Variants in GRM5 observed in about 807,000 individuals in gnomAD.
GRM5 encodes the protein glutamate metabotropic receptor 5.
GRM5 carries 19 observed loss-of-function variants against 83.1 expected under a neutral mutation model. The observed-to-expected ratio is 0.23, with a 90% CI of 0.16 to 0.34. GRM5 has a LOEUF of 0.34. Among genes scored for constraint, GRM5 ranks in the 10% least tolerant of loss-of-function variants. The pLI is 1.00. For missense variants in GRM5, 1,160 were observed against 1,588.3 expected, an observed-to-expected ratio of 0.73 and a Z score of 4.58; for synonymous variants, 675 against 633.6, an observed-to-expected ratio of 1.07 and a Z score of -0.98.
At chr11:88,896,658 C>G (rs1945233079) in intron 2 of GRM5, among the ~76,000 whole-genome samples, 1 of 151,966 alleles carries the variant, frequency 6.6e-6, no homozygotes, top group Middle Eastern at 3.4e-3. Flanking sequence ...GAGTCCTAGT[C>G]TGAGAAAATA....
intron 2 of GRM5, among the ~76,000 whole-genome samples, chr11:89,002,986 C>T (rs189258455): frequency 7.9e-3 from 969 of 122,698 alleles, no homozygotes; most frequent in Non-Finnish European, 0.014. Flanking sequence ...CTTTACATTT[C>T]CTTTATAGGA....
At chr11:88,910,273 G>A (rs948036928) in intron 2 of GRM5, among the ~76,000 whole-genome samples, 1 of 151,960 alleles carries the variant, frequency 6.6e-6, no homozygotes, top group Non-Finnish European at 1.5e-5. Flanking sequence ...GGCTAAATAT[G>A]CCATTGTATG....
chr11:88,885,678 A>T (rs1403384391), intron 2 of GRM5, among the ~76,000 whole-genome samples: 2 of 152,064 alleles, frequency 1.3e-5, no homozygotes, highest in African/African-American at 4.8e-5. Flanking sequence ...CTCATAAAAA[A>T]AAATCTCCAG....
intron 2 of GRM5, among the ~76,000 whole-genome samples, chr11:88,930,189 G>T (rs1412477988): frequency 6.6e-6 from 1 of 151,994 alleles, no homozygotes; most frequent in Non-Finnish European, 1.5e-5. Context: ...AGAAAGGATT[G>T]CTTGAGGACA....
intron 4 of GRM5, among the ~76,000 whole-genome samples, chr11:88,650,443 G>T (rs1046049245): frequency 1.2e-4 from 18 of 151,796 alleles, no homozygotes; most frequent in Non-Finnish European, 2.2e-4. Flanking sequence ...ACATGAAAAG[G>T]AGCTTAACTT....
intron 8 of GRM5, among the ~76,000 whole-genome samples, chr11:88,548,532 CAT>C (rs1942432154): frequency 6.6e-6 from 1 of 152,176 alleles, no homozygotes; most frequent in Admixed American, 6.5e-5. Context: ...ATCATCCAGA[CAT>C]AGTCTTTAAT....
chr11:88,659,671 C>T (rs748467067), intron 3 of GRM5, among the ~76,000 whole-genome samples: 1 of 152,050 alleles, frequency 6.6e-6, no homozygotes, highest in Non-Finnish European at 1.5e-5. Flanking sequence ...TATGATAGGA[C>T]TTAACAACCA....
chr11:88,608,694 G>C (rs1170311053), intron 4 of GRM5, among the ~76,000 whole-genome samples: 6 of 151,502 alleles, frequency 4.0e-5, no homozygotes, highest in African/African-American at 1.5e-4. Flanking sequence ...ACATTTTTTT[G>C]TATTTTTAGT....
intron 3 of GRM5, among the ~76,000 whole-genome samples, chr11:88,740,124 A>G (rs1941997726): frequency 6.6e-6 from 1 of 152,088 alleles, no homozygotes; most frequent in South Asian, 2.1e-4. Context: ...GTAATGGCTA[A>G]GTACATTGTA....
intron 8 of GRM5, among the ~76,000 whole-genome samples, chr11:88,544,693 C>T (rs1387843613): frequency 6.6e-6 from 1 of 152,184 alleles, no homozygotes; most frequent in Non-Finnish European, 1.5e-5. Flanking sequence ...CTCCTACAGT[C>T]CCCAGTATAA....
intron 3 of GRM5, among the ~76,000 whole-genome samples, chr11:88,795,181 G>A (rs1943254127): frequency 1.3e-5 from 2 of 152,216 alleles, no homozygotes; most frequent in African/African-American, 2.4e-5. Flanking sequence ...AAATATTAGG[G>A]CATATGGAAC....
At chr11:88,731,046 T>G (rs1421381511) in intron 3 of GRM5, among the ~76,000 whole-genome samples, 1 of 152,066 alleles carries the variant, frequency 6.6e-6, no homozygotes, top group Non-Finnish European at 1.5e-5. Flanking sequence ...CCATTCTGGA[T>G]AGTAGTTACT....
intron 3 of GRM5, among the ~76,000 whole-genome samples, chr11:88,674,130 A>T (rs1242897135): frequency 1.3e-5 from 2 of 151,754 alleles, no homozygotes; most frequent in African/African-American, 4.8e-5. Context: ...TGTGAGAGGG[A>T]GTGTTGGGAG....
At chr11:88,790,301 GCA>G (rs964176758) in intron 3 of GRM5, among the ~76,000 whole-genome samples, 10 of 152,168 alleles carry the variant, frequency 6.6e-5, no homozygotes, top group African/African-American at 2.2e-4. Context: ...ATCACACACT[GCA>G]CAGTGTTTAT....
intron 8 of GRM5, among the ~76,000 whole-genome samples, chr11:88,534,028 C>T (rs1391495686): frequency 6.6e-6 from 1 of 152,094 alleles, no homozygotes; most frequent in Non-Finnish European, 1.5e-5. Flanking sequence ...ACTCAGAAGT[C>T]AGGAATTGAG....
chr11:89,063,060 G>C (rs1942027124), intron 1 of GRM5, among the ~76,000 whole-genome samples: 1 of 152,260 alleles, frequency 6.6e-6, no homozygotes, highest in Admixed American at 6.5e-5. Context: ...TGCAGCAGGC[G>C]CCACGAAGCG....
At chr11:88,824,630 G>T (rs1361114585) in intron 3 of GRM5, among the ~76,000 whole-genome samples, 4 of 152,206 alleles carry the variant, frequency 2.6e-5, no homozygotes, top group African/African-American at 7.2e-5. Flanking sequence ...AATAATAGGG[G>T]TTTTACGCTC....
At chr11:88,723,682 T>C (rs1941604211) in intron 3 of GRM5, among the ~76,000 whole-genome samples, 1 of 151,968 alleles carries the variant, frequency 6.6e-6, no homozygotes, top group Admixed American at 6.6e-5. Flanking sequence ...CCCCTTATCA[T>C]TGAGGTTTTA....
At chr11:88,776,539 G>A (rs7932651) in intron 3 of GRM5, among the ~76,000 whole-genome samples, 80,098 of 152,056 alleles carry the variant, frequency 0.53, 23,817 homozygotes, top group Non-Finnish European at 0.7. Flanking sequence ...AGCATCGATG[G>A]TCTTTACAAT....
Sources: allele counts gnomAD v4.1 joint callset (sites outside exome capture counted in the v4.1 genomes callset), GRCh38; gene constraint gnomAD v4.1.1; transcripts MANE v1.5; gene names NCBI Gene and HGNC (gene_info 2026-07-23, HGNC 2026-07-21).